Variants in MGAT5 observed in about 807,000 individuals in gnomAD.
The protein encoded by MGAT5 is alpha-1,6-mannosylglycoprotein 6-beta-N-acetylglucosaminyltransferase.
In MGAT5, 30 loss-of-function variants were observed where a neutral mutation model predicts 94.3. That is an observed-to-expected ratio of 0.32 (90% confidence interval 0.24 to 0.43). The LOEUF (loss-of-function observed/expected upper bound fraction) is 0.43. Ranked by LOEUF, MGAT5 falls within the 20% of genes least tolerant of loss-of-function variation. The pLI is 1.00. For synonymous variants in MGAT5, 310 were observed against 322.9 expected (o/e 0.96, Z 0.43); for missense variants, 691 against 905.5 (o/e 0.76, Z 3.04).
rs570549437 is a variant in MGAT5 at position 134,434,863 on chromosome 2, C to T, written c.1869+6424C>T. ...TCGGCCTCTCTTACTAGACTGCGCACTGAACCTCTGAGTCCAGGGACTGTG... is the reference window on the plus strand; with the variant it reads ...TCGGCCTCTCTTACTAGACTGCGCATTGAACCTCTGAGTCCAGGGACTGTG... On this transcript the variant is annotated intron_variant, in intron 14 of 15. Coordinates refer to ENST00000281923, the MANE Select transcript of MGAT5 (RefSeq NM_002410.5). 1.4e-3 allele frequency among the ~76,000 whole-genome samples: 211 copies of T among 152,318 alleles called. 3 individuals are homozygous for T. Among genetic ancestry groups the T allele is most frequent in the Middle Eastern group, 6.8e-3 (2 of 294 alleles).
intron 1 of MGAT5, among the ~76,000 whole-genome samples, chr2:134,261,656 A>G (rs1004456420): frequency 1.3e-5 from 2 of 152,118 alleles, no homozygotes; most frequent in African/African-American, 4.8e-5. Flanking sequence ...CACTCAAGCT[A>G]CTTAGCATCA....
At chr2:134,163,648 A>T (rs915628417) in intron 1 of MGAT5, among the ~76,000 whole-genome samples, 1 of 152,216 alleles carries the variant, frequency 6.6e-6, no homozygotes, top group East Asian at 1.9e-4. Context: ...TAAGAGGAAC[A>T]TGTGAGTTTA....
intron 4 of MGAT5, among the ~76,000 whole-genome samples, chr2:134,333,867 C>T (rs1054625904): frequency 2.0e-5 from 3 of 152,164 alleles, no homozygotes; most frequent in Admixed American, 1.3e-4. Context: ...GGTAATCCTC[C>T]GAGGTTTCCC....
intron 14 of MGAT5, among the ~76,000 whole-genome samples, chr2:134,430,582 A>G (rs1047127678): frequency 6.6e-6 from 1 of 152,166 alleles, no homozygotes; most frequent in African/African-American, 2.4e-5. Flanking sequence ...AGGAACCAGG[A>G]AGCTCATCTT....
intron 1 of MGAT5, among the ~76,000 whole-genome samples, chr2:134,234,963 A>G (rs1305109454): frequency 6.8e-6 from 1 of 147,360 alleles, no homozygotes; most frequent in Non-Finnish European, 1.5e-5. Flanking sequence ...GGAAGGTTGC[A>G]GATGCGTTTT....
intron 1 of MGAT5, among the ~76,000 whole-genome samples, chr2:134,191,241 T>C (rs1323259596): frequency 1.3e-5 from 2 of 152,264 alleles, no homozygotes; most frequent in Non-Finnish European, 1.5e-5. Context: ...CGACAAACTT[T>C]GAGAGCATGG....
At chr2:134,273,025 G>A (rs886206438) in intron 2 of MGAT5, among the ~76,000 whole-genome samples, 6 of 149,128 alleles carry the variant, frequency 4.0e-5, no homozygotes, top group East Asian at 2.1e-4. Context: ...GTGTGTGCGC[G>A]CGCGCGTGCG....
chr2:134,167,585 G>A (rs371557599), intron 1 of MGAT5, among the ~76,000 whole-genome samples: 2 of 152,178 alleles, frequency 1.3e-5, no homozygotes, highest in East Asian at 3.9e-4. Context: ...CTAAAGGAAA[G>A]AAACACAAGT....
chr2:134,302,734 G>GTGTGTGTGTGT (rs1686099220), intron 2 of MGAT5, among the ~76,000 whole-genome samples: 3 of 145,762 alleles, frequency 2.1e-5, no homozygotes, highest in Admixed American at 2.0e-4. Flanking sequence ...GTGTGTGTGT[G>GTGTGTGTGTGT]TGTGTGTGTG....
chr2:134,173,094 A>T (rs889292157), intron 1 of MGAT5, among the ~76,000 whole-genome samples: 1 of 152,184 alleles, frequency 6.6e-6, no homozygotes, highest in Non-Finnish European at 1.5e-5. Flanking sequence ...GAAACCGGAG[A>T]AACAGAAAAT....
intron 1 of MGAT5, among the ~76,000 whole-genome samples, chr2:134,189,598 TTTTG>T (rs1258469917): frequency 4.0e-4 from 29 of 72,414 alleles, no homozygotes; most frequent in African/African-American, 1.7e-3. Context: ...TCTAGTTTTT[TTTTG>T]TTTTTTTTTT....
rs1687965742 is a variant in MGAT5 at position 134,166,382 on chromosome 2, A to C, written c.-143+46091A>C. On this transcript the variant is annotated intron_variant, in intron 1 of 16. Coordinates refer to the MGAT5 transcript ENST00000409645. Reference sequence around the variant, plus strand: ...TCTCTTCCTCTCCCCGAGGAGTATTAAAACTGGAGTTTACAGCTTAAACAT... The same window carrying C: ...TCTCTTCCTCTCCCCGAGGAGTATTCAAACTGGAGTTTACAGCTTAAACAT... Among the ~76,000 whole-genome samples, 4 of 152,230 alleles carry C rather than the reference A, an allele frequency of 2.6e-5. No individual in the cohort carries two copies. The South Asian group carries it at 8.3e-4, about 31-fold the overall frequency.
chr2:134,136,751 T>C (rs1686429752), intron 1 of MGAT5, among the ~76,000 whole-genome samples: 1 of 152,170 alleles, frequency 6.6e-6, no homozygotes, highest in Non-Finnish European at 1.5e-5. Context: ...TGTGGTGTGT[T>C]CTAGACCCTG....
intron 2 of MGAT5, among the ~76,000 whole-genome samples, chr2:134,294,580 G>C (rs1337180696): frequency 6.6e-6 from 1 of 152,156 alleles, no homozygotes; most frequent in African/African-American, 2.4e-5. Context: ...CCTCTTCAAA[G>C]ACTTTCCTCC....
intron 2 of MGAT5, among the ~76,000 whole-genome samples, chr2:134,311,262 C>A (rs1306632152): frequency 6.6e-6 from 1 of 151,898 alleles, no homozygotes; most frequent in Non-Finnish European, 1.5e-5. Context: ...CTATTTTTTT[C>A]TTTCCTTTTT....
intron 1 of MGAT5, among the ~76,000 whole-genome samples, chr2:134,186,086 G>C (rs993785140): frequency 7.9e-5 from 12 of 152,242 alleles, no homozygotes; most frequent in Admixed American, 5.2e-4. Context: ...TTGAGGGAAA[G>C]AAAGCAAGAG....
chr2:134,194,525 C>A (rs562920268), intron 1 of MGAT5, among the ~76,000 whole-genome samples: 1 of 152,088 alleles, frequency 6.6e-6, no homozygotes, highest in South Asian at 2.1e-4. Flanking sequence ...AGATGAGATA[C>A]GTCTGTGTGC....
intron 1 of MGAT5, among the ~76,000 whole-genome samples, chr2:134,262,833 T>C (rs2105575647): frequency 6.6e-6 from 1 of 152,390 alleles, no homozygotes; most frequent in South Asian, 2.1e-4. Context: ...AACCTGTTTA[T>C]GTAGCTATTC....
chr2:134,135,854 C>G (rs539138320), intron 1 of MGAT5, among the ~76,000 whole-genome samples: 2 of 152,132 alleles, frequency 1.3e-5, no homozygotes, highest in Non-Finnish European at 2.9e-5. Flanking sequence ...TAGTTTTTGG[C>G]TCTTGCTGGG....
Sources: gnomAD v4.1 joint callset for allele counts (sites outside exome capture counted in the v4.1 genomes callset) on GRCh38, gnomAD v4.1.1 for gene constraint, MANE v1.5 for transcripts, NCBI Gene and HGNC (gene_info 2026-07-23, HGNC 2026-07-21) for gene names.